PDE4D: variants seen among roughly 807,000 people sequenced by gnomAD.
PDE4D encodes phosphodiesterase 4D.
PDE4D carries 24 observed loss-of-function variants against 87.4 expected under a neutral mutation model. The observed-to-expected ratio is 0.27, with a 90% CI of 0.20 to 0.39. The LOEUF (loss-of-function observed/expected upper bound fraction) is 0.39, where lower values mean the gene tolerates loss of function less well. Ranked by LOEUF, PDE4D falls within the 10% of genes least tolerant of loss-of-function variation. PDE4D has a pLI of 1.00. For synonymous variants in PDE4D, 384 were observed against 383.2 expected (o/e 1.00, Z -0.02); for missense variants, 714 against 1,041.0 (o/e 0.69, Z 4.32).
chr5:59,992,713 T>A (rs1022979157), intron 2 of PDE4D, among the ~76,000 whole-genome samples: 1 of 152,130 alleles, frequency 6.6e-6, no homozygotes, highest in Admixed American at 6.6e-5. Flanking sequence ...CCTCAAGACG[T>A]AACTTTTTTG....
At chr5:60,465,894 A>T (rs186762097) in intron 1 of PDE4D, among the ~76,000 whole-genome samples, 1 of 152,016 alleles carries the variant, frequency 6.6e-6, no homozygotes, top group African/African-American at 2.4e-5. Flanking sequence ...AAAAAAAAAA[A>T]AGAAAAGGAA....
chr5:59,583,561 A>G (rs1824577266), intron 1 of PDE4D, among the ~76,000 whole-genome samples: 1 of 152,260 alleles, frequency 6.6e-6, no homozygotes, highest in African/African-American at 2.4e-5. Flanking sequence ...TTTCTAATGT[A>G]GCTTCAAAGA....
intron 2 of PDE4D, among the ~76,000 whole-genome samples, chr5:60,087,904 A>C (rs1021292688): frequency 6.6e-6 from 1 of 152,164 alleles, no homozygotes; most frequent in Non-Finnish European, 1.5e-5. Context: ...GGAAGCTCAA[A>C]GATATTAAAC....
intron 5 of PDE4D, among the ~76,000 whole-genome samples, chr5:59,149,706 GTTTT>G (rs76421367): frequency 8.7e-5 from 6 of 69,274 alleles, no homozygotes; most frequent in South Asian, 7.1e-4. Flanking sequence ...CTCTCCTCGA[GTTTT>G]TTTTTTTTTT....
chr5:60,189,019 C>T (rs996527917), intron 1 of PDE4D, among the ~76,000 whole-genome samples: 12 of 152,206 alleles, frequency 7.9e-5, no homozygotes, highest in Non-Finnish European at 1.6e-4. Context: ...AAGTTTCTCT[C>T]TCAGCAAAGA....
intron 1 of PDE4D, among the ~76,000 whole-genome samples, chr5:60,375,710 T>TA (rs1482104975): frequency 3.3e-5 from 5 of 152,344 alleles, no homozygotes; most frequent in African/African-American, 1.2e-4. Flanking sequence ...GGGCACAGGC[T>TA]ACACAAAATA....
At chr5:59,668,816 G>GAAAGAAGAAGAAGA (rs200367780) in intron 1 of PDE4D, among the ~76,000 whole-genome samples, 2 of 93,724 alleles carry the variant, frequency 2.1e-5, no homozygotes, top group African/African-American at 9.8e-5. Context: ...AGAAGAAGAA[G>GAAAGAAGAAGAAGA]AAGAAGAAGA....
intron 1 of PDE4D, chr5:59,275,702 A>T (rs1369338261): frequency 1.8e-6 from 2 of 1,088,084 alleles, no homozygotes; most frequent in Non-Finnish European, 2.2e-6. Flanking sequence ...TTGATTCTTC[A>T]TCTGGGTCAC....
chr5:59,137,052 G>T (rs1777173460), intron 5 of PDE4D, among the ~76,000 whole-genome samples: 1 of 152,160 alleles, frequency 6.6e-6, no homozygotes, highest in Non-Finnish European at 1.5e-5. Flanking sequence ...GGCTGCTGCA[G>T]AGGCCTAAGC....
chr5:59,291,587 T>C (rs1768013626), intron 1 of PDE4D, among the ~76,000 whole-genome samples: 1 of 152,016 alleles, frequency 6.6e-6, no homozygotes, highest in South Asian at 2.1e-4. Flanking sequence ...ATTGGATTGT[T>C]TGTAACATAA....
At chr5:60,422,454 A>AAC (rs1463287205) in intron 1 of PDE4D, among the ~76,000 whole-genome samples, 4 of 152,232 alleles carry the variant, frequency 2.6e-5, no homozygotes, top group Non-Finnish European at 5.9e-5. Context: ...AAGCTTTGTA[A>AAC]GTGAAGGAGA....
intron 1 of PDE4D, among the ~76,000 whole-genome samples, chr5:59,857,938 AC>A (rs1247776879): frequency 1.3e-5 from 2 of 148,158 alleles, no homozygotes; most frequent in Non-Finnish European, 3.0e-5. Context: ...GGAGGAAAGC[AC>A]ATAGGCAGTC....
At chr5:58,976,622 C>T in intron 12 of PDE4D, 150 bp from the exon 13 acceptor site, 1 of 654,722 alleles carries the variant, frequency 1.5e-6, no homozygotes, top group East Asian at 2.8e-5. Flanking sequence ...GGGGCAGAGT[C>T]TTTTCCCCTT....
intron 1 of PDE4D, among the ~76,000 whole-genome samples, chr5:59,286,344 T>C (rs1439413700): frequency 1.3e-5 from 2 of 152,144 alleles, no homozygotes; most frequent in Non-Finnish European, 2.9e-5. Flanking sequence ...AAAACTGAGG[T>C]CTACAGGAAG....
At chr5:60,166,364 G>C (rs985186034) in intron 2 of PDE4D, among the ~76,000 whole-genome samples, 2 of 152,052 alleles carry the variant, frequency 1.3e-5, no homozygotes, top group Admixed American at 1.3e-4. Context: ...ACTTTTAACA[G>C]GTTATTTTAA....
chr5:60,031,952 T>G (rs1172590389), intron 2 of PDE4D, among the ~76,000 whole-genome samples: 2 of 152,190 alleles, frequency 1.3e-5, no homozygotes, highest in Non-Finnish European at 2.9e-5. Context: ...TCAGCTTTGT[T>G]TTCTAGCTAT....
chr5:59,704,943 T>C (rs891301705), intron 1 of PDE4D, among the ~76,000 whole-genome samples: 1 of 152,230 alleles, frequency 6.6e-6, no homozygotes, highest in African/African-American at 2.4e-5. Context: ...TCTGTAATAC[T>C]GAATACTCCA....
intron 4 of PDE4D, among the ~76,000 whole-genome samples, chr5:59,184,741 T>A (rs560437618): frequency 6.6e-6 from 1 of 152,308 alleles, no homozygotes; most frequent in Admixed American, 6.5e-5. Flanking sequence ...GCTCCATGAA[T>A]GCTGCTGATC....
chr5:59,334,247 G>GTTGTT (rs1777244409), intron 1 of PDE4D, among the ~76,000 whole-genome samples: 2 of 98,610 alleles, frequency 2.0e-5, no homozygotes, highest in Admixed American at 1.1e-4. Context: ...ATCCAGTGGA[G>GTTGTT]TTTTTTTTTT....
Sources: allele counts gnomAD v4.1 joint callset (sites outside exome capture counted in the v4.1 genomes callset), GRCh38; gene constraint gnomAD v4.1.1; transcripts MANE v1.5; gene names NCBI Gene and HGNC (gene_info 2026-07-23, HGNC 2026-07-21).